ITGA8: variants seen among roughly 807,000 people sequenced by gnomAD.
ITGA8 encodes the protein integrin alpha-8.
In ITGA8, 91 loss-of-function variants were observed where a neutral mutation model predicts 142.3. The observed-to-expected ratio is 0.64, with a 90% CI of 0.54 to 0.76. The LOEUF is 0.76. ITGA8 is among the 30% of genes least tolerant of loss of function. ITGA8 has a pLI of 0.00. For missense variants in ITGA8, 1,406 were observed against 1,327.7 expected, an observed-to-expected ratio of 1.06 and a Z score of -0.92; for synonymous variants, 505 against 485.2, an observed-to-expected ratio of 1.04 and a Z score of -0.54.
At chr10:15,592,424 A>AC (rs1189842546) in intron 21 of ITGA8, 120 bp from the exon 22 acceptor site, 1 of 723,878 alleles carries the variant, frequency 1.4e-6, no homozygotes, top group African/African-American at 1.8e-5. Context: ...TTCTGCTTCT[A>AC]CCCCAGGTGG....
intron 25 of ITGA8, 32 bp from the exon 26 acceptor site, chr10:15,558,234 A>G (rs758364474): frequency 7.4e-6 from 12 of 1,612,860 alleles, no homozygotes; most frequent in Non-Finnish European, 1.0e-5. Flanking sequence ...TACCACATTA[A>G]AAACACATGA....
intron 21 of ITGA8, chr10:15,596,435 C>A (rs373488499): frequency 6.6e-6 from 1 of 152,270 alleles, no homozygotes; most frequent in African/African-American, 2.4e-5. Flanking sequence ...ACGTAAAAAA[C>A]TCCCCTCCTC....
chr10:15,610,789 A>C (rs1271232798), intron 15 of ITGA8, among the ~76,000 whole-genome samples: 1 of 152,216 alleles, frequency 6.6e-6, no homozygotes, highest in African/African-American at 2.4e-5. Flanking sequence ...AGTGATAGCA[A>C]ATAGCAGGTT....
intron 28 of ITGA8, among the ~76,000 whole-genome samples, chr10:15,524,920 G>A (rs1833140266): frequency 6.6e-6 from 1 of 152,130 alleles, no homozygotes; most frequent in East Asian, 1.9e-4. Context: ...AATAAATAAT[G>A]AGGAAAAATA....
At chr10:15,565,512 C>T (rs1386142315) in intron 25 of ITGA8, among the ~76,000 whole-genome samples, 1 of 139,678 alleles carries the variant, frequency 7.2e-6, no homozygotes, top group African/African-American at 2.6e-5. Flanking sequence ...AATGATTCCA[C>T]AAAGAAATCA....
chr10:15,517,448 G>A (rs545925737), intron 29 of ITGA8, among the ~76,000 whole-genome samples: 13 of 151,940 alleles, frequency 8.6e-5, no homozygotes, highest in East Asian at 5.8e-4. Context: ...CTCAGCCTCC[G>A]GAGTAGCTGG....
In ITGA8 at chr10:15,692,928, C is replaced by T. The variant is rs180859387; in HGVS notation, c.344-4890G>A. 1.6e-3 allele frequency among the ~76,000 whole-genome samples: 246 copies of T among 152,140 alleles called. 3 individuals carry two copies. The East Asian group carries it at 0.02, about 12-fold the overall frequency. On this transcript the variant is annotated intron_variant, in intron 2 of 29. Coordinates refer to ENST00000378076, the MANE Select transcript of ITGA8 (RefSeq NM_003638.3). ...ACTAAAAATACAAACATTAGCTGGG[C>T]GCAGTGATGCACATCTGTAGTCTCA...
In ITGA8 at chr10:15,719,483, G is replaced by A. The variant is rs193294851; in HGVS notation, c.209+80C>T. The A allele has an allele frequency of 7.5e-3, 9,867 of 1,311,540 alleles. 51 individuals are homozygous for A. Among genetic ancestry groups the A allele is most frequent in the Non-Finnish European group, 8.9e-3 (8,848 of 990,432 alleles). 81.2% of individuals were successfully genotyped at this position (1,311,540 alleles called of 1,614,324 possible). ...GGACGGGGATCCCAGGCTGCGGGGGGACTCCGCGGCAGAGCCGCTGGGACC... is the reference window on the plus strand; with the variant it reads ...GGACGGGGATCCCAGGCTGCGGGGGAACTCCGCGGCAGAGCCGCTGGGACC... On this transcript the variant is annotated intron_variant, in intron 1 of 29. Transcript: ENST00000378076.
chr10:15,685,333 T>C (rs1284395893), intron 3 of ITGA8, among the ~76,000 whole-genome samples: 1 of 152,258 alleles, frequency 6.6e-6, no homozygotes, highest in Non-Finnish European at 1.5e-5. Flanking sequence ...CAAAATGTCC[T>C]ATGCTTATTT....
chr10:15,672,613 A>C lies in ITGA8; in HGVS notation c.802+11T>G, dbSNP rs187473023. The C allele has an allele frequency of 3.1e-6, 5 of 1,606,838 alleles. No individual in the cohort carries two copies. The highest frequency in any genetic ancestry group is 4.2e-6 in the Non-Finnish European group (5 of 1,177,620). ...TGAAAAACCACAAATGTCTTGGGCAATGGGTCTTACCAAGGTAACTGTCAT... is the reference window on the plus strand; with the variant it reads ...TGAAAAACCACAAATGTCTTGGGCACTGGGTCTTACCAAGGTAACTGTCAT... On this transcript the variant is annotated intron_variant, in intron 7 of 29. Coordinates refer to ENST00000378076, the MANE Select transcript of ITGA8 (RefSeq NM_003638.3).
chr10:15,645,438 A>G (rs1023700589), intron 12 of ITGA8, among the ~76,000 whole-genome samples: 1 of 152,216 alleles, frequency 6.6e-6, no homozygotes, highest in African/African-American at 2.4e-5. Flanking sequence ...ATTTAGCACT[A>G]TTTATTTTAC....
chr10:15,688,051 A>G lies in ITGA8; in HGVS notation c.344-13T>C. ...ATCTTTCTGTTGTCTGTCAAAGAAG[A>G]TAGGAAGAGTTAATAATTTGTAAAA... On this transcript the variant is annotated splice_polypyrimidine_tract_variant and intron_variant, in intron 2 of 29. Coordinates refer to ENST00000378076, the MANE Select transcript of ITGA8 (RefSeq NM_003638.3). 6.5e-7 allele frequency: 1 copy of G among 1,550,194 alleles called. No individual in the cohort carries two copies.
chr10:15,532,046 TG>T lies in ITGA8; in HGVS notation c.2881-896del, dbSNP rs1554769425. 4.1e-5 allele frequency among the ~76,000 whole-genome samples: 4 copies of T among 96,504 alleles called. No individual in the cohort carries two copies. The South Asian group carries it at 1.1e-3, about 27-fold the overall frequency. The allele number at this position is 96,504 out of a possible 152,430, so 63.3% of individuals were successfully genotyped here. On this transcript the variant is annotated intron_variant, in intron 27 of 29. Coordinates refer to ENST00000378076, the MANE Select transcript of ITGA8 (RefSeq NM_003638.3). Reference sequence around the variant, plus strand: ...TCAGCATTCTGAGTTAGGGTGGGGGTGGGGGGGCCTGTCCTCTGCATTGTAG... The same window carrying T: ...TCAGCATTCTGAGTTAGGGTGGGGGTGGGGGGCCTGTCCTCTGCATTGTAG...
intron 7 of ITGA8, among the ~76,000 whole-genome samples, chr10:15,672,153 C>T (rs1834535335): frequency 6.6e-6 from 1 of 152,182 alleles, no homozygotes; most frequent in Non-Finnish European, 1.5e-5. Flanking sequence ...CAAAACATAG[C>T]TACATTTCTT....
chr10:15,686,143 T>G (rs1390491144), intron 3 of ITGA8, among the ~76,000 whole-genome samples: 1 of 152,196 alleles, frequency 6.6e-6, no homozygotes, highest in Non-Finnish European at 1.5e-5. Flanking sequence ...AGATTCCAAT[T>G]TGAAAGTAGT....
intron 10 of ITGA8, 59 bp from the exon 11 acceptor site, chr10:15,655,465 G>T: frequency 9.0e-7 from 1 of 1,112,580 alleles, no homozygotes; most frequent in Non-Finnish European, 1.4e-6. Context: ...TTGTAGTCAT[G>T]TCTCTATTAT....
intron 13 of ITGA8, among the ~76,000 whole-genome samples, chr10:15,640,792 A>G (rs1833856980): frequency 6.6e-6 from 1 of 152,176 alleles, no homozygotes; most frequent in South Asian, 2.1e-4. Flanking sequence ...ATTTGCTAAA[A>G]GGGGACTGAA....
At chr10:15,665,436 G>A (rs1212141105) in intron 8 of ITGA8, among the ~76,000 whole-genome samples, 5 of 152,084 alleles carry the variant, frequency 3.3e-5, no homozygotes, top group East Asian at 1.9e-4. Context: ...AGATGAGTAG[G>A]TTGCAAAAAT....
intron 26 of ITGA8, among the ~76,000 whole-genome samples, chr10:15,553,109 T>C (rs1028489175): frequency 6.6e-6 from 1 of 152,136 alleles, no homozygotes. Context: ...ACACAAAAAT[T>C]AGCCGGGCAT....
Sources: allele counts gnomAD v4.1 joint callset (sites outside exome capture counted in the v4.1 genomes callset), GRCh38; gene constraint gnomAD v4.1.1; transcripts MANE v1.5; gene names NCBI Gene and HGNC (gene_info 2026-07-23, HGNC 2026-07-21).